Variants in SGCZ observed in about 807,000 individuals in gnomAD.
SGCZ encodes the protein sarcoglycan zeta, also known as zeta-sarcoglycan.
In SGCZ, 40 loss-of-function variants were observed where a neutral mutation model predicts 41.3. The observed-to-expected ratio is 0.97, with a 90% CI of 0.75 to 1.26. SGCZ has a LOEUF of 1.26. Ranked by LOEUF, SGCZ falls within the 50% of genes most tolerant of loss-of-function variation. The pLI is 0.00. For missense variants in SGCZ, 552 were observed against 369.8 expected (o/e 1.49, Z -4.04); for synonymous variants, 206 against 137.5 (o/e 1.50, Z -3.49).
chr8:14,295,529 T>A (rs1800978111), intron 3 of SGCZ, among the ~76,000 whole-genome samples: 1 of 152,168 alleles, frequency 6.6e-6, no homozygotes, highest in African/African-American at 2.4e-5. Flanking sequence ...AAATAGTAGT[T>A]AAGGGCTTAG....
Position 14,409,039 on chromosome 8 carries a change from T to A in SGCZ, c.235-84835A>T, listed in dbSNP as rs567274548. Among the ~76,000 whole-genome samples the A allele has an allele frequency of 2.6e-5, 4 of 151,836 alleles. No individual in the cohort carries two copies. In the South Asian group the frequency reaches 8.3e-4, roughly 32 times the overall value. ...ATTAACTAGGTTTTCAGTTCCAGGA[T>A]CATTTCAGTTTTGATACACGACACA... On this transcript the variant is annotated intron_variant, in intron 2 of 7. Coordinates refer to ENST00000382080, the MANE Select transcript of SGCZ (RefSeq NM_139167.4).
At chr8:14,219,226 C>T (rs754304973) in intron 4 of SGCZ, among the ~76,000 whole-genome samples, 8 of 152,166 alleles carry the variant, frequency 5.3e-5, no homozygotes, top group Admixed American at 4.6e-4. Flanking sequence ...CTTCCCAAAG[C>T]CAAACTCTCA....
intron 1 of SGCZ, among the ~76,000 whole-genome samples, chr8:14,944,206 G>T (rs1563380788): frequency 1.3e-5 from 2 of 152,172 alleles, no homozygotes; most frequent in Middle Eastern, 3.2e-3. Context: ...AAGTTTTAAG[G>T]AATGCTGCTA....
intron 1 of SGCZ, among the ~76,000 whole-genome samples, chr8:14,985,274 C>CA (rs1801793646): frequency 6.6e-6 from 1 of 151,940 alleles, no homozygotes; most frequent in Non-Finnish European, 1.5e-5. Flanking sequence ...ATAAAGCATC[C>CA]AAAATCATAA....
intron 1 of SGCZ, among the ~76,000 whole-genome samples, chr8:14,654,642 G>T (rs1807503024): frequency 6.6e-6 from 1 of 151,944 alleles, no homozygotes; most frequent in African/African-American, 2.4e-5. Flanking sequence ...CGTGATCTCG[G>T]CTCACTGAAA....
At position 15,054,831 on chromosome 8, in the gene SGCZ, G is replaced by A. The variant is rs187126074; in HGVS notation, c.39+182754C>T. ...AAAAAAATTAGCCGGGCATTCTGGC[G>A]GGCACCTGTAGCCCCAGCTACTTGG... On this transcript the variant is annotated intron_variant, in intron 1 of 7. Transcript: ENST00000382080. Among the ~76,000 whole-genome samples the A allele has an allele frequency of 6.6e-5, 10 of 151,632 alleles. 1 individual carries two copies. Among genetic ancestry groups the A allele is most frequent in the South Asian group, 2.1e-4 (1 of 4,770 alleles).
At chr8:15,001,043 G>A (rs568232277) in intron 1 of SGCZ, among the ~76,000 whole-genome samples, 1 of 152,176 alleles carries the variant, frequency 6.6e-6, no homozygotes, top group African/African-American at 2.4e-5. Flanking sequence ...CTGGCAAAAG[G>A]GACAACAACG....
intron 4 of SGCZ, among the ~76,000 whole-genome samples, chr8:14,220,829 A>C (rs1806168143): frequency 6.6e-6 from 1 of 151,744 alleles, no homozygotes; most frequent in Admixed American, 6.6e-5. Flanking sequence ...CCTTAAAAAA[A>C]GATTGTAGCC....
At chr8:15,209,460 G>A (rs980926383) in intron 1 of SGCZ, among the ~76,000 whole-genome samples, 21 of 145,828 alleles carry the variant, frequency 1.4e-4, no homozygotes, top group South Asian at 6.5e-4. Context: ...GCGAAGTTAC[G>A]TGTCAGCATA....
intron 1 of SGCZ, among the ~76,000 whole-genome samples, chr8:14,594,672 T>C (rs1563139779): frequency 6.6e-6 from 1 of 151,910 alleles, no homozygotes; most frequent in Non-Finnish European, 1.5e-5. Flanking sequence ...TAAAAGGGCA[T>C]GGGTTACTTT....
intron 2 of SGCZ, among the ~76,000 whole-genome samples, chr8:14,427,898 A>G (rs1232427496): frequency 1.3e-5 from 2 of 152,198 alleles, no homozygotes; most frequent in African/African-American, 4.8e-5. Flanking sequence ...ATTAAAAAAC[A>G]GTACAACAAC....
At chr8:14,990,582 T>C (rs999989240) in intron 1 of SGCZ, among the ~76,000 whole-genome samples, 1 of 151,774 alleles carries the variant, frequency 6.6e-6, no homozygotes, top group East Asian at 1.9e-4. Flanking sequence ...TTTGTCACTG[T>C]CTCTCATCAC....
chr8:15,041,936 C>G (rs1049298065), intron 1 of SGCZ, among the ~76,000 whole-genome samples: 2 of 152,050 alleles, frequency 1.3e-5, no homozygotes, highest in African/African-American at 2.4e-5. Flanking sequence ...AACGATGAAA[C>G]TAATTCTACC....
chr8:14,811,998 A>G (rs1435888950), intron 1 of SGCZ, among the ~76,000 whole-genome samples: 1 of 152,026 alleles, frequency 6.6e-6, no homozygotes, highest in East Asian at 1.9e-4. Context: ...CAACTCAGGA[A>G]TGGGTATGGG....
intron 7 of SGCZ, among the ~76,000 whole-genome samples, chr8:14,101,973 C>T (rs1802035872): frequency 6.6e-6 from 1 of 151,566 alleles, no homozygotes; most frequent in Non-Finnish European, 1.5e-5. Flanking sequence ...AGCTCCGCCT[C>T]CCATGGGTTC....
intron 3 of SGCZ, among the ~76,000 whole-genome samples, chr8:14,285,249 G>A (rs2116928910): frequency 6.6e-6 from 1 of 152,200 alleles, no homozygotes; most frequent in Non-Finnish European, 1.5e-5. Context: ...AGGCTTCAGA[G>A]CTTAGTCTTA....
At chr8:14,935,798 G>A (rs1487724610) in intron 1 of SGCZ, among the ~76,000 whole-genome samples, 2 of 151,668 alleles carry the variant, frequency 1.3e-5, no homozygotes, top group African/African-American at 2.4e-5. Context: ...AGGCTATTAA[G>A]ATAGACGAAA....
rs1183210302 is a variant in SGCZ at position 15,172,154 on chromosome 8, G to GTTT, written c.39+65428_39+65430dup. Among the ~76,000 whole-genome samples the GTTT allele has an allele frequency of 9.2e-3, 656 of 71,688 alleles. 3 individuals are homozygous for GTTT. Among genetic ancestry groups the GTTT allele is most frequent in the East Asian group, 0.023 (59 of 2,516 alleles). The allele number at this position is 71,688 out of a possible 152,430, so 47.0% of individuals were successfully genotyped here. A position where few individuals can be genotyped will look rare whatever the true frequency, so the allele number is the denominator to read the frequency against. ...AGGAAAAAAATGCCTTTTATACTCT[G>GTTT]TTTTTTTTTTTTTTTTTTTTTTTTT... is the stretch of plus-strand genomic sequence containing the variant. On this transcript the variant is annotated intron_variant, in intron 1 of 7. Transcript: ENST00000382080.
At chr8:14,497,306 G>A (rs146550713) in intron 2 of SGCZ, among the ~76,000 whole-genome samples, 16 of 152,150 alleles carry the variant, frequency 1.1e-4, no homozygotes, top group Admixed American at 2.6e-4. Flanking sequence ...GGGAGCCAGC[G>A]TGTCTCATGG....
Sources: gnomAD v4.1 joint callset for allele counts (sites outside exome capture counted in the v4.1 genomes callset) on GRCh38, gnomAD v4.1.1 for gene constraint, MANE v1.5 for transcripts, NCBI Gene and HGNC (gene_info 2026-07-23, HGNC 2026-07-21) for gene names.